COMMD6: variants seen among roughly 807,000 people sequenced by gnomAD.
The protein encoded by COMMD6 is COMM domain-containing protein 6.
In COMMD6, 11 loss-of-function variants were observed where a neutral mutation model predicts 13.4. The observed-to-expected ratio is 0.82, with a 90% CI of 0.52 to 1.36. The LOEUF (loss-of-function observed/expected upper bound fraction) is 1.36. Among genes scored for constraint, COMMD6 ranks in the 40% most tolerant of loss-of-function variants. The pLI is 0.00. For missense variants in COMMD6, 124 were observed against 102.4 expected, an observed-to-expected ratio of 1.21 and a Z score of -0.91; for synonymous variants, 43 against 36.5, an observed-to-expected ratio of 1.18 and a Z score of -0.64.
upstream of COMMD6, among the ~76,000 whole-genome samples, chr13:75,543,753 T>C (rs1386332763): frequency 6.6e-6 from 1 of 152,220 alleles, no homozygotes; most frequent in African/African-American, 2.4e-5. Flanking sequence ...ATGTAAAGCA[T>C]GTAACAAAGG....
chr13:75,548,814 A>G (rs2030964649), intron 1 of COMMD6, among the ~76,000 whole-genome samples: 1 of 152,222 alleles, frequency 6.6e-6, no homozygotes, highest in African/African-American at 2.4e-5. Flanking sequence ...TGAAAAAGAT[A>G]CATGACAAAT....
intron 2 of COMMD6, among the ~76,000 whole-genome samples, chr13:75,534,137 T>A (rs1478317119): frequency 6.6e-6 from 1 of 152,174 alleles, no homozygotes; most frequent in Non-Finnish European, 1.5e-5. Flanking sequence ...CAATTTCTTA[T>A]TCTTAACAGT....
At chr13:75,544,437 C>T (rs571774665) in intron 1 of COMMD6, among the ~76,000 whole-genome samples, 14 of 152,274 alleles carry the variant, frequency 9.2e-5, no homozygotes, top group Middle Eastern at 3.4e-3. Context: ...TTTCAACCTT[C>T]GGCTTAAAGG....
At chr13:75,534,292 A>G (rs1392385820) in intron 2 of COMMD6, among the ~76,000 whole-genome samples, 4 of 152,204 alleles carry the variant, frequency 2.6e-5, no homozygotes, top group Non-Finnish European at 4.4e-5. Flanking sequence ...AAGGCGTGCA[A>G]TGCTAAGTTC....
chr13:75,536,044 C>T (rs1000371811), intron 2 of COMMD6, among the ~76,000 whole-genome samples: 7 of 152,044 alleles, frequency 4.6e-5, no homozygotes, highest in African/African-American at 1.7e-4. Context: ...TGTGCCTCCA[C>T]ACCTGATTAA....
intron 3 of COMMD6, among the ~76,000 whole-genome samples, chr13:75,529,520 CAAAAAAAAAAAAAAA>C (rs58073558): frequency 1.9e-5 from 2 of 104,644 alleles, no homozygotes; most frequent in Non-Finnish European, 1.9e-5. Context: ...GACTCCGTCT[CAAAAAAAAAAAAAAA>C]AAAAAAAAAA....
intron 1 of COMMD6, among the ~76,000 whole-genome samples, chr13:75,547,177 A>T (rs1368593227): frequency 3.3e-5 from 5 of 152,142 alleles, no homozygotes; most frequent in Non-Finnish European, 1.5e-5. Context: ...GGCCATTTTA[A>T]ACATTGAATT....
At chr13:75,529,520 C>CAAAAAAAAAA (rs58073558) in intron 3 of COMMD6, among the ~76,000 whole-genome samples, 3 of 104,642 alleles carry the variant, frequency 2.9e-5, no homozygotes, top group African/African-American at 1.1e-4. Flanking sequence ...GACTCCGTCT[C>CAAAAAAAAAA]AAAAAAAAAA....
intron 1 of COMMD6, among the ~76,000 whole-genome samples, chr13:75,545,867 A>C (rs979461849): frequency 3.5e-4 from 54 of 152,154 alleles, no homozygotes; most frequent in African/African-American, 1.3e-3. Flanking sequence ...GCTCTTCTAC[A>C]CTTCTATAGA....
intron 3 of COMMD6, among the ~76,000 whole-genome samples, chr13:75,527,630 T>C (rs1030808275): frequency 1.3e-5 from 2 of 152,178 alleles, no homozygotes; most frequent in Admixed American, 6.5e-5. Context: ...GTATATACTA[T>C]GTATGTGTAT....
At chr13:75,533,881 C>A (rs2030576461) in intron 2 of COMMD6, among the ~76,000 whole-genome samples, 1 of 152,036 alleles carries the variant, frequency 6.6e-6, no homozygotes, top group Admixed American at 6.6e-5. Context: ...GCTAAAAATC[C>A]AAGAACAGAA....
intron 2 of COMMD6, among the ~76,000 whole-genome samples, chr13:75,533,535 C>T (rs541817395): frequency 2.7e-5 from 4 of 146,956 alleles, no homozygotes; most frequent in Admixed American, 6.8e-5. Flanking sequence ...TGCCACTGCA[C>T]TCCAGCCTGG....
intron 2 of COMMD6, among the ~76,000 whole-genome samples, chr13:75,534,469 C>T (rs2030593965): frequency 6.6e-6 from 1 of 152,156 alleles, no homozygotes; most frequent in African/African-American, 2.4e-5. Context: ...TGAAAGCAAA[C>T]CTTCTAATAA....
At chr13:75,533,454 A>G (rs2030558886) in intron 2 of COMMD6, among the ~76,000 whole-genome samples, 1 of 151,820 alleles carries the variant, frequency 6.6e-6, no homozygotes, top group Non-Finnish European at 1.5e-5. Flanking sequence ...TTTAAGTCCC[A>G]GCTACTTGGG....
chr13:75,537,368 A>G (rs2138424195), intron 2 of COMMD6: 1 of 1,550,868 alleles, frequency 6.4e-7, no homozygotes, highest in Admixed American at 2.0e-5. Flanking sequence ...TCTTTATCCA[A>G]CACTTTAAAA....
upstream of COMMD6, among the ~76,000 whole-genome samples, chr13:75,540,262 T>C (rs117834171): frequency 0.059 from 8,956 of 151,788 alleles, 389 homozygotes; most frequent in Non-Finnish European, 0.084. Flanking sequence ...TGAGTCACCA[T>C]GCCCAGCCCC....
chr13:75,539,032 C>T (rs1347851012), upstream of COMMD6, among the ~76,000 whole-genome samples: 1 of 152,134 alleles, frequency 6.6e-6, no homozygotes, highest in African/African-American at 2.4e-5. Context: ...TGGCTTGTGG[C>T]TCCTTCCTCC....
At chr13:75,544,810 C>T (rs549334106) in intron 1 of COMMD6, among the ~76,000 whole-genome samples, 1 of 149,800 alleles carries the variant, frequency 6.7e-6, no homozygotes, top group East Asian at 2.0e-4. Flanking sequence ...TGGTGGTGCA[C>T]GTCTGTTTGG....
At chr13:75,537,342 G>T in intron 2 of COMMD6, 1 of 1,550,520 alleles carries the variant, frequency 6.4e-7, no homozygotes, top group Non-Finnish European at 8.7e-7. Context: ...TGCTATCTCT[G>T]CAAATTTTCC....
Sources: gnomAD v4.1 joint callset for allele counts (sites outside exome capture counted in the v4.1 genomes callset) on GRCh38, gnomAD v4.1.1 for gene constraint, MANE v1.5 for transcripts, NCBI Gene and HGNC (gene_info 2026-07-23, HGNC 2026-07-21) for gene names.